Variants in ANKRD31 observed in about 807,000 individuals in gnomAD.
The protein encoded by ANKRD31 is ankyrin repeat domain-containing protein 31.
A neutral mutation model predicts 186.0 loss-of-function variants in ANKRD31; 147 were observed. The ratio of observed to expected loss-of-function variants is 0.79; its 90% CI spans 0.69 to 0.91. ANKRD31 has a LOEUF of 0.91. ANKRD31 is among the 40% of genes least tolerant of loss of function. The pLI is 0.00. For missense variants in ANKRD31, 1,986 were observed against 2,148.8 expected, an observed-to-expected ratio of 0.92 and a Z score of 1.50; for synonymous variants, 673 against 736.4, an observed-to-expected ratio of 0.91 and a Z score of 1.39.
chr5:75,213,940 A>G (rs1756805314), intron 3 of ANKRD31, among the ~76,000 whole-genome samples: 1 of 152,250 alleles, frequency 6.6e-6, no homozygotes, highest in African/African-American at 2.4e-5. Flanking sequence ...AATGTCTCAC[A>G]CAAACTACCT....
At chr5:75,201,188 T>TC (rs1755802911) in intron 5 of ANKRD31, among the ~76,000 whole-genome samples, 1 of 152,158 alleles carries the variant, frequency 6.6e-6, no homozygotes, top group Non-Finnish European at 1.5e-5. Flanking sequence ...CCTGTTTTTT[T>TC]CCCTCGCTTC....
chr5:75,180,213 A>G (rs993494454), intron 10 of ANKRD31, among the ~76,000 whole-genome samples: 29 of 152,194 alleles, frequency 1.9e-4, no homozygotes, highest in African/African-American at 6.5e-4. Flanking sequence ...ACTACAAACC[A>G]CTGCTCAATG....
intron 21 of ANKRD31, among the ~76,000 whole-genome samples, chr5:75,106,657 T>A (rs6889839): frequency 0.056 from 8,577 of 151,834 alleles, 350 homozygotes; most frequent in South Asian, 0.2. Context: ...GTATAGTACA[T>A]GGTTAACCAC....
At chr5:75,155,028 A>G (rs549602701) in intron 11 of ANKRD31, among the ~76,000 whole-genome samples, 1 of 152,078 alleles carries the variant, frequency 6.6e-6, no homozygotes, top group African/African-American at 2.4e-5. Flanking sequence ...TATTTCTTTC[A>G]TATCAGTCTC....
chr5:75,151,673 G>GAGATGTA (rs1305429908), intron 12 of ANKRD31, among the ~76,000 whole-genome samples: 2 of 151,980 alleles, frequency 1.3e-5, no homozygotes, highest in Non-Finnish European at 2.9e-5. Flanking sequence ...AACTAATACA[G>GAGATGTA]AGATGTACTT....
chr5:75,161,509 A>G (rs1006762678), intron 11 of ANKRD31, among the ~76,000 whole-genome samples: 2 of 152,226 alleles, frequency 1.3e-5, no homozygotes, highest in Non-Finnish European at 2.9e-5. Flanking sequence ...TTGCAGCCTG[A>G]CAAGGCAATA....
At chr5:75,149,868 G>A (rs1393468592) in intron 12 of ANKRD31, among the ~76,000 whole-genome samples, 1 of 151,818 alleles carries the variant, frequency 6.6e-6, no homozygotes, top group Non-Finnish European at 1.5e-5. Flanking sequence ...TAGAAAAATC[G>A]TATTTTCCAG....
In ANKRD31 at chr5:75,146,942, G is replaced by T; in HGVS notation, c.2469C>A (p.Cys823Ter). The part of the protein sequence containing the change: ...LDLSDSQEVQ[C>*]LELESVDQTE... Reference sequence around the variant, plus strand: ...TTTGGTCAACAGATTCTAATTCCAAGCATTGAACTTCTTGACTATCTGATA... The same window carrying T: ...TTTGGTCAACAGATTCTAATTCCAATCATTGAACTTCTTGACTATCTGATA... Residue 823 changes from cysteine to a stop codon, truncating the protein, a stop_gained, in exon 14 of 26, where the codon TGC (cysteine) becomes TGA (stop). Transcript: ENST00000506364. LOFTEE classifies it high-confidence loss of function. 6.5e-7 allele frequency: 1 copy of T among 1,536,282 alleles called. No individual in the cohort carries two copies. The highest frequency in any genetic ancestry group is 1.2e-5 in the South Asian group (1 of 84,028).
chr5:75,074,330 C>T (rs1006654291), intron 25 of ANKRD31, among the ~76,000 whole-genome samples: 1 of 152,152 alleles, frequency 6.6e-6, no homozygotes, highest in African/African-American at 2.4e-5. Context: ...ATCTTTTCTG[C>T]TCCTTCTCCT....
intron 2 of ANKRD31, among the ~76,000 whole-genome samples, chr5:75,228,578 GA>G (rs1381306528): frequency 6.6e-6 from 1 of 151,660 alleles, no homozygotes; most frequent in Non-Finnish European, 1.5e-5. Context: ...TACCAATTAT[GA>G]AAAAAAGATA....
chr5:75,137,233 T>C (rs958154655), intron 17 of ANKRD31, among the ~76,000 whole-genome samples: 6 of 152,128 alleles, frequency 3.9e-5, no homozygotes, highest in South Asian at 2.1e-4. Flanking sequence ...GAAAAAATTA[T>C]TACTGGTCTA....
At chr5:75,102,798 G>C (rs1319228729) in intron 22 of ANKRD31, among the ~76,000 whole-genome samples, 1 of 152,146 alleles carries the variant, frequency 6.6e-6, no homozygotes, top group Non-Finnish European at 1.5e-5. Context: ...GCATTAGGGT[G>C]GGAGTGTCCC....
At chr5:75,176,601 C>T (rs192274262) in intron 10 of ANKRD31, among the ~76,000 whole-genome samples, 73 of 152,314 alleles carry the variant, frequency 4.8e-4, no homozygotes, top group Middle Eastern at 3.4e-3. Flanking sequence ...GCAGCCACTG[C>T]TGCTGATACC....
intron 22 of ANKRD31, among the ~76,000 whole-genome samples, chr5:75,097,608 G>A (rs1327963889): frequency 1.3e-5 from 2 of 152,138 alleles, no homozygotes; most frequent in African/African-American, 2.4e-5. Context: ...TCTGTAGGTT[G>A]CCTCTTCACT....
At position 75,224,176 on chromosome 5, in the gene ANKRD31, TATAC is replaced by T. The variant is rs1561550212; in HGVS notation, c.179-1822_179-1819del. Reference sequence around the variant, plus strand: ...ATATATATATGTATATATATATATATATACACACATTTCTTCCATTAGAATTCCA... The same window carrying T: ...ATATATATATGTATATATATATATATACACATTTCTTCCATTAGAATTCCA... On this transcript the variant is annotated intron_variant, in intron 2 of 25. Coordinates refer to ENST00000506364, the MANE Select transcript of ANKRD31 (RefSeq NM_001372053.1). Among the ~76,000 whole-genome samples the T allele has an allele frequency of 2.0e-3, 234 of 118,906 alleles. 5 individuals carry two copies. Among genetic ancestry groups the T allele is most frequent in the African/African-American group, 7.7e-3 (206 of 26,750 alleles). 78.0% of individuals were successfully genotyped at this position (118,906 alleles called of 152,430 possible).
rs531591074 is a variant in ANKRD31 at position 75,086,363 on chromosome 5, C to A, written c.5473-1989G>T. 1.2e-4 allele frequency among the ~76,000 whole-genome samples: 18 copies of A among 152,254 alleles called. No individual in the cohort carries two copies. In the South Asian group the frequency reaches 1.9e-3, roughly 16 times the overall value. ...AGAATGAACAGACACTAGATCACTT[C>A]TAGAAAATGTGCATTTCATATTAAT... On this transcript the variant is annotated intron_variant, in intron 23 of 25. Transcript: ENST00000506364.
At chr5:75,082,738 C>A (rs1745180714) in intron 24 of ANKRD31, among the ~76,000 whole-genome samples, 1 of 152,098 alleles carries the variant, frequency 6.6e-6, no homozygotes, top group Non-Finnish European at 1.5e-5. Context: ...ACTTAAAAAT[C>A]TATCCAAAGT....
rs1339586976 is a variant in ANKRD31 at position 75,195,658 on chromosome 5, G to A, written c.990C>T (p.Thr330=). Reference sequence around the variant, plus strand: ...CTGCTATTTGTGTACAATCTTCATTGGTCTGAGACGTATTGAACTCCACTT... The same window carrying A: ...CTGCTATTTGTGTACAATCTTCATTAGTCTGAGACGTATTGAACTCCACTT... ...CLEVEFNTSQ[T]NEDCTQIAET... is the part of the protein sequence containing the mutation. Residue 330 remains threonine, a synonymous_variant, in exon 7 of 26, where the codon ACC becomes ACT. Coordinates refer to ENST00000506364, the MANE Select transcript of ANKRD31 (RefSeq NM_001372053.1). 6.5e-7 allele frequency: 1 copy of A among 1,533,478 alleles called. No homozygotes were observed. Among genetic ancestry groups the A allele is most frequent in the Non-Finnish European group, 8.7e-7 (1 of 1,145,116 alleles). The allele number at this position is 1,533,478 out of a possible 1,614,324, so 95.0% of individuals were successfully genotyped here. A position where few individuals can be genotyped will look rare whatever the true frequency, so the allele number is the denominator to read the frequency against.
intron 5 of ANKRD31, among the ~76,000 whole-genome samples, chr5:75,200,410 G>A (rs1755748309): frequency 6.6e-6 from 1 of 150,972 alleles, no homozygotes; most frequent in South Asian, 2.1e-4. Flanking sequence ...TGATTCTCCT[G>A]CCTCAGCCTC....
Sources: allele counts gnomAD v4.1 joint callset (sites outside exome capture counted in the v4.1 genomes callset), GRCh38; gene constraint gnomAD v4.1.1; transcripts MANE v1.5; gene names NCBI Gene and HGNC (gene_info 2026-07-23, HGNC 2026-07-21).